Variants in WASL observed in about 807,000 individuals in gnomAD.
The protein encoded by WASL is actin nucleation-promoting factor WASL.
A neutral mutation model predicts 55.5 loss-of-function variants in WASL; 20 were observed. The ratio of observed to expected loss-of-function variants is 0.36; its 90% CI spans 0.25 to 0.52. The LOEUF is 0.52. Ranked by LOEUF, WASL falls within the 20% of genes least tolerant of loss-of-function variation. The probability of loss-of-function intolerance (pLI) is 0.92; values close to 1 mark genes in which losing one functional copy is unlikely to be tolerated. For synonymous variants in WASL, 249 were observed against 217.6 expected, an observed-to-expected ratio of 1.14 and a Z score of -1.27; for missense variants, 504 against 622.5, an observed-to-expected ratio of 0.81 and a Z score of 2.03.
intron 10 of WASL, among the ~76,000 whole-genome samples, chr7:123,685,248 ACTG>A (rs1554403180): frequency 1.3e-5 from 2 of 151,904 alleles, no homozygotes; most frequent in African/African-American, 2.4e-5. Flanking sequence ...TGTGGCTACC[ACTG>A]CTATTTGAAT....
chr7:123,720,978 T>C (rs1803935101), intron 1 of WASL, among the ~76,000 whole-genome samples: 1 of 152,222 alleles, frequency 6.6e-6, no homozygotes, highest in Admixed American at 6.5e-5. Context: ...GCAAGAATTT[T>C]GAGTAGCTCT....
chr7:123,706,981 TAATC>T (rs1324007719), intron 2 of WASL, among the ~76,000 whole-genome samples, 155 bp from the exon 3 acceptor site: 1 of 152,180 alleles, frequency 6.6e-6, no homozygotes, highest in Non-Finnish European at 1.5e-5. Context: ...TAGTGTCACA[TAATC>T]TAATCAGTAA....
In WASL at chr7:123,683,591, A is replaced by G. The variant is rs1265918126; in HGVS notation, c.*928T>C. On this transcript the variant is annotated 3_prime_UTR_variant, in exon 11 of 11. Coordinates refer to ENST00000223023, the MANE Select transcript of WASL (RefSeq NM_003941.4). Reference sequence around the variant, plus strand: ...TATTTCTGAACACCTCAATCCACACAAAGTGCAAAATAAAAATGCTAAAAT... The same window carrying G: ...TATTTCTGAACACCTCAATCCACACGAAGTGCAAAATAAAAATGCTAAAAT... 2.0e-5 allele frequency: 3 copies of G among 152,034 alleles called. No homozygotes were observed. Among genetic ancestry groups the G allele is most frequent in the Non-Finnish European group, 2.9e-5 (2 of 67,920 alleles). The allele number at this position is 152,034 out of a possible 1,614,324, so 9.4% of individuals were successfully genotyped here.
rs2116769820 is a variant in WASL at position 123,692,571 on chromosome 7, G to C, written c.1123C>G (p.Pro375Ala). 6.2e-7 allele frequency: 1 copy of C among 1,613,110 alleles called. No individual in the cohort carries two copies. The highest frequency in any genetic ancestry group is 2.2e-5 in the East Asian group (1 of 44,844). Residue 375 changes from proline to alanine, a missense_variant, in exon 9 of 11, where the codon CCA becomes GCA. Pro to Ala is a conservative substitution (Grantham distance 27). This residue lies in a region of WASL where 201 missense variants were observed against 206.2 expected (regional missense o/e 0.97). Coordinates refer to ENST00000223023, the MANE Select transcript of WASL (RefSeq NM_003941.4). ...VLGVGPVAPP[P>A]PPPPPPPPGP... ...GGAGGAGGTGGAGGTGGAGGCGGTGGGGGTGGTGCCACTGGCCCTACCCCC... is the reference window on the plus strand; with the variant it reads ...GGAGGAGGTGGAGGTGGAGGCGGTGCGGGTGGTGCCACTGGCCCTACCCCC...
At position 123,706,685 on chromosome 7, in the gene WASL, G is replaced by C. The variant is rs1803677297; in HGVS notation, c.339+55C>G. The C allele has an allele frequency of 4.0e-6, 5 of 1,264,638 alleles. No individual in the cohort carries two copies. The Admixed American group carries it at 7.3e-5, about 18-fold the overall frequency. The allele number at this position is 1,264,638 out of a possible 1,614,324, so 78.3% of individuals were successfully genotyped here. On this transcript the variant is annotated intron_variant, in intron 3 of 10. Transcript: ENST00000223023. ...AAGGTTCTATAAATAATTTGGATTAGAAAAGGCAAGCAATGAAAAAAGTAA... is the reference window on the plus strand; with the variant it reads ...AAGGTTCTATAAATAATTTGGATTACAAAAGGCAAGCAATGAAAAAAGTAA...
chr7:123,697,895 G>A (rs1803516931), intron 5 of WASL, among the ~76,000 whole-genome samples: 1 of 152,170 alleles, frequency 6.6e-6, no homozygotes, highest in Non-Finnish European at 1.5e-5. Context: ...TAAGTGCAAG[G>A]CAGGGTAGAC....
chr7:123,682,396 G>C lies in WASL; in HGVS notation c.*2123C>G, dbSNP rs1803210790. On this transcript the variant is annotated 3_prime_UTR_variant, in exon 11 of 11. Transcript: ENST00000223023. The stretch of plus-strand genomic sequence containing the variant: ...TAGACTTTTTGTAACAACAACCAAT[G>C]TCTTTTTCTTCTTTAAGAAAAAAAG... 1 of 151,980 alleles carries C rather than the reference G, an allele frequency of 6.6e-6. No homozygotes were observed. Among genetic ancestry groups the C allele is most frequent in the Non-Finnish European group, 1.5e-5 (1 of 67,990 alleles). 9.4% of individuals were successfully genotyped at this position (151,980 alleles called of 1,614,324 possible).
At position 123,709,732 on chromosome 7, in the gene WASL, T is replaced by A. The variant is rs184677709; in HGVS notation, c.118-509A>T. Among the ~76,000 whole-genome samples, 25 of 152,260 alleles carry A rather than the reference T, an allele frequency of 1.6e-4. No individual in the cohort carries two copies. In the East Asian group the frequency reaches 4.8e-3, roughly 29 times the overall value. ...GTAGTAGCATTAGTAATGGCTGACT[T>A]GTATAAAGCAGTTAAGCACTTATCT... On this transcript the variant is annotated intron_variant, in intron 1 of 10. Coordinates refer to ENST00000223023, the MANE Select transcript of WASL (RefSeq NM_003941.4).
intron 5 of WASL, among the ~76,000 whole-genome samples, chr7:123,699,432 C>T (rs747019198): frequency 2.6e-5 from 4 of 151,964 alleles, no homozygotes; most frequent in African/African-American, 9.7e-5. Context: ...ATGACTTTTC[C>T]GGAACTAAGT....
At chr7:123,740,797 G>A (rs1193220650) in intron 1 of WASL, among the ~76,000 whole-genome samples, 4 of 152,070 alleles carry the variant, frequency 2.6e-5, no homozygotes, top group South Asian at 2.1e-4. Flanking sequence ...TGTTGCCCAC[G>A]CTGGTGGCAA....
At chr7:123,732,612 T>C (rs1424207813) in intron 1 of WASL, among the ~76,000 whole-genome samples, 3 of 152,170 alleles carry the variant, frequency 2.0e-5, no homozygotes, top group Non-Finnish European at 4.4e-5. Context: ...TGGTGAATTA[T>C]CCTAAACATA....
chr7:123,728,281 A>G (rs907834116), intron 1 of WASL, among the ~76,000 whole-genome samples: 2 of 152,258 alleles, frequency 1.3e-5, no homozygotes, highest in Admixed American at 6.5e-5. Context: ...TAAAAGGTAC[A>G]GATTATTGGA....
chr7:123,743,545 T>C (rs1323849783), intron 1 of WASL, among the ~76,000 whole-genome samples: 1 of 152,186 alleles, frequency 6.6e-6, no homozygotes, highest in African/African-American at 2.4e-5. Flanking sequence ...TATAATTAAC[T>C]GACTTTAAAA....
chr7:123,697,193 G>C (rs926568043), intron 5 of WASL, among the ~76,000 whole-genome samples: 3 of 152,044 alleles, frequency 2.0e-5, no homozygotes, highest in African/African-American at 7.2e-5. Flanking sequence ...AACTTTATTA[G>C]TCAAGAAGAA....
At chr7:123,731,388 T>A (rs530974099) in intron 1 of WASL, among the ~76,000 whole-genome samples, 35 of 152,260 alleles carry the variant, frequency 2.3e-4, no homozygotes, top group African/African-American at 8.4e-4. Flanking sequence ...CACTCCTCTA[T>A]CAGTGATTGA....
chr7:123,732,729 C>A (rs1011793879), intron 1 of WASL, among the ~76,000 whole-genome samples: 1 of 152,024 alleles, frequency 6.6e-6, no homozygotes, highest in African/African-American at 2.4e-5. Context: ...AGATAAAGAT[C>A]TAACAAAAAA....
At chr7:123,736,574 T>C (rs999403889) in intron 1 of WASL, among the ~76,000 whole-genome samples, 1 of 152,178 alleles carries the variant, frequency 6.6e-6, no homozygotes, top group African/African-American at 2.4e-5. Context: ...TGCTCCATTA[T>C]AATCTTATGG....
chr7:123,720,359 A>G (rs1329272526), intron 1 of WASL: 3 of 444,752 alleles, frequency 6.7e-6, no homozygotes, highest in Non-Finnish European at 1.3e-5. Flanking sequence ...AAAAAAAAAA[A>G]AAGTTGTTAT....
At chr7:123,692,909 C>T in intron 8 of WASL, 42 bp from the exon 9 acceptor site, 1 of 1,337,184 alleles carries the variant, frequency 7.5e-7, no homozygotes, top group Non-Finnish European at 9.6e-7. Flanking sequence ...CTTTTTTCTT[C>T]TCATAAACAT....
Sources: gnomAD v4.1 joint callset for allele counts (sites outside exome capture counted in the v4.1 genomes callset) on GRCh38, gnomAD v4.1.1 for gene constraint, gnomAD v4.1.1 regional missense constraint, MANE v1.5 for transcripts, NCBI Gene and HGNC (gene_info 2026-07-23, HGNC 2026-07-21) for gene names.